DDX10: variants seen among roughly 807,000 people sequenced by gnomAD.
The protein encoded by DDX10 is probable ATP-dependent RNA helicase DDX10.
A neutral mutation model predicts 104.3 loss-of-function variants in DDX10; 74 were observed. That is an observed-to-expected ratio of 0.71 (90% CI 0.59 to 0.86). The LOEUF is 0.86. Among genes scored for constraint, DDX10 ranks in the 40% least tolerant of loss-of-function variants. The pLI is 0.00. For missense variants in DDX10, 952 were observed against 1,040.0 expected, an observed-to-expected ratio of 0.92 and a Z score of 1.16; for synonymous variants, 351 against 353.4, an observed-to-expected ratio of 0.99 and a Z score of 0.08.
chr11:108,748,823 G>A (rs2094334881), intron 13 of DDX10, among the ~76,000 whole-genome samples: 1 of 151,950 alleles, frequency 6.6e-6, no homozygotes, highest in Non-Finnish European at 1.5e-5. Flanking sequence ...TGGGACTATA[G>A]GTACACACTA....
intron 16 of DDX10, among the ~76,000 whole-genome samples, chr11:108,854,398 C>T (rs1241203500): frequency 2.6e-5 from 4 of 152,178 alleles, no homozygotes; most frequent in African/African-American, 9.7e-5. Context: ...TTTGTCTTCT[C>T]GTTGATCCTC....
At chr11:108,744,416 A>G (rs2094328926) in intron 13 of DDX10, among the ~76,000 whole-genome samples, 2 of 152,180 alleles carry the variant, frequency 1.3e-5, no homozygotes, top group African/African-American at 4.8e-5. Context: ...TTAAAAAACA[A>G]AAAACAACAA....
intron 13 of DDX10, among the ~76,000 whole-genome samples, chr11:108,778,823 A>G (rs964433981): frequency 6.6e-6 from 1 of 152,258 alleles, no homozygotes; most frequent in Non-Finnish European, 1.5e-5. Flanking sequence ...TCCAGAATCT[A>G]CAAAGAACTC....
At chr11:108,918,949 G>A (rs181289545) in intron 17 of DDX10, 2 of 152,290 alleles carry the variant, frequency 1.3e-5, no homozygotes, top group South Asian at 2.1e-4. Flanking sequence ...GAAGCCTGAT[G>A]GAACCCTTGA....
At chr11:108,862,337 A>T (rs1862952677) in intron 16 of DDX10, among the ~76,000 whole-genome samples, 1 of 152,146 alleles carries the variant, frequency 6.6e-6, no homozygotes, top group Non-Finnish European at 1.5e-5. Flanking sequence ...GATTACTTTT[A>T]AAAAATGATG....
intron 16 of DDX10, among the ~76,000 whole-genome samples, chr11:108,896,138 G>A (rs890874720): frequency 2.0e-5 from 3 of 152,118 alleles, no homozygotes; most frequent in African/African-American, 4.8e-5. Flanking sequence ...GATCATAGGC[G>A]TAAGAATTGT....
At chr11:108,908,141 A>G (rs772530740) in intron 16 of DDX10, among the ~76,000 whole-genome samples, 3 of 152,226 alleles carry the variant, frequency 2.0e-5, no homozygotes, top group African/African-American at 2.4e-5. Context: ...TTTAGTGCCT[A>G]GGATTTATAG....
chr11:108,920,565 T>C (rs1268081002), intron 17 of DDX10: 1 of 152,218 alleles, frequency 6.6e-6, no homozygotes, highest in Non-Finnish European at 1.5e-5. Context: ...CTTTAAAGGC[T>C]AAAATAACTT....
intron 16 of DDX10, among the ~76,000 whole-genome samples, chr11:108,857,497 C>T (rs1862886752): frequency 6.6e-6 from 1 of 152,200 alleles, no homozygotes; most frequent in South Asian, 2.1e-4. Context: ...AATTACAGTG[C>T]TGATGTGGTT....
At chr11:108,711,567 A>G (rs1485359535) in intron 10 of DDX10, among the ~76,000 whole-genome samples, 2 of 152,228 alleles carry the variant, frequency 1.3e-5, no homozygotes, top group Admixed American at 6.5e-5. Flanking sequence ...TCCCGACCCC[A>G]GGTGATCTGC....
Position 108,811,891 on chromosome 11 carries a change from A to AT in DDX10, c.1966-26554dup, listed in dbSNP as rs546242622. Reference sequence around the variant, plus strand: ...CAGGAAAGGGGAATTAATTATAAATATGGGGGGGGGAAGAGAGCTGAATAA... The same window carrying AT: ...CAGGAAAGGGGAATTAATTATAAATATTGGGGGGGGGAAGAGAGCTGAATAA... On this transcript the variant is annotated intron_variant, in intron 13 of 17. Coordinates refer to ENST00000322536, the MANE Select transcript of DDX10 (RefSeq NM_004398.4). 1.8e-4 allele frequency among the ~76,000 whole-genome samples: 10 copies of AT among 55,178 alleles called. No homozygotes were observed. The South Asian group carries it at 9.6e-3, about 53-fold the overall frequency. The allele number at this position is 55,178 out of a possible 152,430, so 36.2% of individuals were successfully genotyped here.
chr11:108,898,431 C>A (rs2134646132), intron 16 of DDX10, among the ~76,000 whole-genome samples: 1 of 151,896 alleles, frequency 6.6e-6, no homozygotes, highest in Admixed American at 6.6e-5. Context: ...AGGGTGGAAA[C>A]CAAGAGCAGG....
intron 17 of DDX10, 44 bp downstream of exon 17, chr11:108,918,062 A>T: frequency 1.9e-6 from 3 of 1,575,188 alleles, no homozygotes; most frequent in Non-Finnish European, 2.6e-6. Context: ...TAGTACTCTC[A>T]CATCAGTCTT....
In DDX10 at chr11:108,717,860, T is replaced by C. The variant is rs189944813; in HGVS notation, c.1410+1894T>C. On this transcript the variant is annotated intron_variant, in intron 11 of 17. Coordinates refer to ENST00000322536, the MANE Select transcript of DDX10 (RefSeq NM_004398.4). The stretch of plus-strand genomic sequence containing the variant: ...AATGGGTAAATGCTAGCTTGAAAAT[T>C]AAAAAATGTCTTGGATGGCTGGTTG... Among the ~76,000 whole-genome samples the C allele has an allele frequency of 2.2e-4, 33 of 152,144 alleles. No individual in the cohort carries two copies. In the Middle Eastern group the frequency reaches 0.017, roughly 78 times the overall value.
At chr11:108,693,401 A>G in intron 8 of DDX10, 115 bp from the exon 9 acceptor site, 1 of 785,878 alleles carries the variant, frequency 1.3e-6, no homozygotes, top group South Asian at 1.4e-5. Context: ...TTCATAGATG[A>G]TATCCATCAG....
chr11:108,889,735 A>G lies in DDX10; in HGVS notation c.2305-28138A>G, dbSNP rs577395804. 8.1e-4 allele frequency among the ~76,000 whole-genome samples: 124 copies of G among 152,316 alleles called. 4 individuals carry two copies. The South Asian group carries it at 0.025, about 31-fold the overall frequency. On this transcript the variant is annotated intron_variant, in intron 16 of 17. Transcript: ENST00000322536. ...GTTGCTATGAGACAAGTAGACCAGAATTACAAAGCAAACTCACAATTTTAG... is the reference window on the plus strand; with the variant it reads ...GTTGCTATGAGACAAGTAGACCAGAGTTACAAAGCAAACTCACAATTTTAG...
intron 17 of DDX10, among the ~76,000 whole-genome samples, chr11:108,931,136 C>T (rs747582354): frequency 3.4e-4 from 51 of 152,076 alleles, no homozygotes; most frequent in Admixed American, 1.4e-3. Flanking sequence ...TGAGCAAGAC[C>T]GTATCTCAGG....
At chr11:108,791,064 A>G (rs538113313) in intron 13 of DDX10, among the ~76,000 whole-genome samples, 1 of 152,328 alleles carries the variant, frequency 6.6e-6, no homozygotes, top group East Asian at 1.9e-4. Flanking sequence ...CTACTAGAAT[A>G]TGGACAGGCT....
At chr11:108,746,353 A>G (rs1436738935) in intron 13 of DDX10, among the ~76,000 whole-genome samples, 1 of 151,594 alleles carries the variant, frequency 6.6e-6, no homozygotes, top group South Asian at 2.1e-4. Flanking sequence ...TTTAAGTGTC[A>G]TGTTGTTGCA....
Sources: gnomAD v4.1 joint callset for allele counts (sites outside exome capture counted in the v4.1 genomes callset) on GRCh38, gnomAD v4.1.1 for gene constraint, MANE v1.5 for transcripts, NCBI Gene and HGNC (gene_info 2026-07-23, HGNC 2026-07-21) for gene names.